The following CLTC variants were observed in gnomAD, a reference collection of about 807,000 sequenced individuals.
CLTC encodes clathrin heavy chain, also known as clathrin heavy chain 1.
In CLTC, 16 loss-of-function variants were observed where a neutral mutation model predicts 195.8. That is an observed-to-expected ratio of 0.08 (90% confidence interval 0.06 to 0.12). The LOEUF (loss-of-function observed/expected upper bound fraction) is 0.12. Among genes scored for constraint, CLTC ranks in the 10% least tolerant of loss-of-function variants. CLTC has a pLI of 1.00. For missense variants in CLTC, 796 were observed against 2,027.0 expected, an observed-to-expected ratio of 0.39 and a Z score of 11.66; for synonymous variants, 667 against 689.4, an observed-to-expected ratio of 0.97 and a Z score of 0.51.
chr17:59,651,376 A>G, intron 5 of CLTC, 60 bp downstream of exon 5: 1 of 1,100,148 alleles, frequency 9.1e-7, no homozygotes. Flanking sequence ...AAATTAACCC[A>G]AAGACTATTC....
chr17:59,655,184 A>C (rs1404658691), intron 5 of CLTC, among the ~76,000 whole-genome samples: 1 of 152,162 alleles, frequency 6.6e-6, no homozygotes, highest in East Asian at 1.9e-4. Context: ...TTAAAAAGAG[A>C]GGTAGAACAC....
At chr17:59,654,734 G>A (rs2032422317) in intron 5 of CLTC, among the ~76,000 whole-genome samples, 1 of 152,162 alleles carries the variant, frequency 6.6e-6, no homozygotes, top group East Asian at 1.9e-4. Flanking sequence ...ACCCACCTCG[G>A]CCTCCTAAAG....
intron 1 of CLTC, among the ~76,000 whole-genome samples, chr17:59,629,304 G>A (rs1315254986): frequency 3.9e-5 from 6 of 152,082 alleles, no homozygotes; most frequent in African/African-American, 1.4e-4. Context: ...ATAGTATTGT[G>A]TCCTCTCACA....
intron 1 of CLTC, among the ~76,000 whole-genome samples, chr17:59,630,151 C>A (rs961694164): frequency 5.9e-5 from 9 of 152,246 alleles, no homozygotes; most frequent in African/African-American, 2.2e-4. Flanking sequence ...CAGGCGTGTG[C>A]CACCACACCC....
chr17:59,677,460 T>TA (rs1349308208), intron 17 of CLTC, among the ~76,000 whole-genome samples: 2 of 152,222 alleles, frequency 1.3e-5, no homozygotes, highest in Non-Finnish European at 2.9e-5. Context: ...CATTCATACA[T>TA]ATGTGTATAC....
At chr17:59,631,557 T>A (rs2031715533) in intron 1 of CLTC, among the ~76,000 whole-genome samples, 1 of 152,230 alleles carries the variant, frequency 6.6e-6, no homozygotes, top group African/African-American at 2.4e-5. Context: ...GATAATGGGA[T>A]GTAATAACAG....
rs2033374100 is a variant in CLTC at position 59,694,309 on chromosome 17, A to C, written c.*457A>C. 4.5e-6 allele frequency: 1 copy of C among 221,860 alleles called. No individual in the cohort carries two copies. 13.7% of individuals were successfully genotyped at this position (221,860 alleles called of 1,614,324 possible). The stretch of plus-strand genomic sequence containing the variant: ...GCTAAAGCAAAAACACTGGCATATG[A>C]CCATGCAAGACTGTCAGTGCCAACA... On this transcript the variant is annotated 3_prime_UTR_variant, in exon 32 of 32. Coordinates refer to ENST00000269122, the MANE Select transcript of CLTC (RefSeq NM_004859.4).
chr17:59,672,730 C>T (rs1293306877), intron 14 of CLTC, among the ~76,000 whole-genome samples: 4 of 152,102 alleles, frequency 2.6e-5, no homozygotes, highest in African/African-American at 9.7e-5. Context: ...AATCGAGTAA[C>T]TAATATCCCC....
At chr17:59,626,493 T>C (rs1419351825) in intron 1 of CLTC, among the ~76,000 whole-genome samples, 1 of 152,218 alleles carries the variant, frequency 6.6e-6, no homozygotes, top group Non-Finnish European at 1.5e-5. Flanking sequence ...CCATATGGAA[T>C]GCCGGTCAGG....
intron 10 of CLTC, among the ~76,000 whole-genome samples, chr17:59,665,765 G>T (rs564474795): frequency 6.6e-6 from 1 of 152,094 alleles, no homozygotes; most frequent in African/African-American, 2.4e-5. Context: ...GCTTGAACCC[G>T]GGAGGTGGAG....
At chr17:59,678,498 G>A (rs551963465) in intron 17 of CLTC, among the ~76,000 whole-genome samples, 11 of 152,180 alleles carry the variant, frequency 7.2e-5, no homozygotes, top group Admixed American at 1.3e-4. Context: ...TTATTCGATG[G>A]GCTACAATTC....
chr17:59,662,186 G>A (rs1399543861), intron 8 of CLTC, among the ~76,000 whole-genome samples: 3 of 152,038 alleles, frequency 2.0e-5, no homozygotes, highest in Non-Finnish European at 4.4e-5. Flanking sequence ...AGATTTCACA[G>A]AATGTTAGTT....
chr17:59,629,404 C>T lies in CLTC; in HGVS notation c.42+9231C>T, dbSNP rs145584568. On this transcript the variant is annotated intron_variant, in intron 1 of 31. Transcript: ENST00000269122. ...GGATTAGTGAGAGACAAATTTTACA[C>T]ATCTAAAATTCTCCTGTGTATGGCC... 1.3e-3 allele frequency among the ~76,000 whole-genome samples: 203 copies of T among 152,150 alleles called. 1 individual carries two copies. The highest frequency in any genetic ancestry group is 2.2e-3 in the Non-Finnish European group (153 of 68,016).
intron 10 of CLTC, 50 bp downstream of exon 10, chr17:59,664,959 G>A (rs1434869268): frequency 6.2e-7 from 1 of 1,601,560 alleles, no homozygotes; most frequent in South Asian, 1.1e-5. Context: ...ATGGAGAGTG[G>A]GGGCCAGCCA....
chr17:59,661,606 G>A lies in CLTC; in HGVS notation c.1331G>A (p.Arg444Gln). 6.2e-7 allele frequency: 1 copy of A among 1,614,008 alleles called. No homozygotes were observed. The highest frequency in any genetic ancestry group is 8.5e-7 in the Non-Finnish European group (1 of 1,179,966). ...ELCRPVLQQG[R>Q]KQLLEKWLKE... ...TGTAGGCCTGTACTTCAGCAAGGGCGAAAACAGCTTTTGGAGAAATGGTTA... is the reference window on the plus strand; with the variant it reads ...TGTAGGCCTGTACTTCAGCAAGGGCAAAAACAGCTTTTGGAGAAATGGTTA... Residue 444 changes from arginine to glutamine, a missense_variant, in exon 8 of 32, where the codon CGA becomes CAA. Arg to Gln is a conservative substitution (Grantham distance 43, BLOSUM62 1). Coordinates refer to ENST00000269122, the MANE Select transcript of CLTC (RefSeq NM_004859.4).
At chr17:59,628,432 C>G (rs143996108) in intron 1 of CLTC, among the ~76,000 whole-genome samples, 16 of 152,338 alleles carry the variant, frequency 1.1e-4, no homozygotes, top group African/African-American at 3.8e-4. Flanking sequence ...CCCCTCCACC[C>G]TGGAAGAGTT....
intron 1 of CLTC, among the ~76,000 whole-genome samples, chr17:59,626,908 G>C (rs187045125): frequency 6.6e-6 from 1 of 151,814 alleles, no homozygotes; most frequent in East Asian, 1.9e-4. Flanking sequence ...TACTTTTTTT[G>C]GGGGGTGGGG....
intron 28 of CLTC, 103 bp downstream of exon 28, chr17:59,684,088 C>T (rs2033129656): frequency 1.5e-6 from 1 of 677,710 alleles, no homozygotes; most frequent in East Asian, 2.7e-5. Flanking sequence ...ACAGTAGGTG[C>T]TTGCATACCT....
rs2032693875 is a variant in CLTC at position 59,664,928 on chromosome 17, A to T, written c.1644+19A>T. On this transcript the variant is annotated intron_variant, in intron 10 of 31. Transcript: ENST00000269122. ...CACACAGGTAATGTGATTAAAATAT[A>T]TTTTGTAGAAGCTGATTGAAATGGA... 6.2e-7 allele frequency: 1 copy of T among 1,612,722 alleles called. No homozygotes were observed. Among genetic ancestry groups the T allele is most frequent in the Admixed American group, 1.7e-5 (1 of 59,928 alleles).
Sources: gnomAD v4.1 joint callset for allele counts (sites outside exome capture counted in the v4.1 genomes callset) on GRCh38, gnomAD v4.1.1 for gene constraint, MANE v1.5 for transcripts, NCBI Gene and HGNC (gene_info 2026-07-23, HGNC 2026-07-21) for gene names.